The following DTX4 variants were observed in gnomAD, a reference collection of about 807,000 sequenced individuals.
DTX4 encodes the protein E3 ubiquitin-protein ligase DTX4.
DTX4 carries 28 observed loss-of-function variants against 57.6 expected under a neutral mutation model. The ratio of observed to expected loss-of-function variants is 0.49; its 90% CI spans 0.36 to 0.67. DTX4 has a LOEUF of 0.67. DTX4 is among the 30% of genes least tolerant of loss of function. The probability of loss-of-function intolerance (pLI) is 0.00; values close to 1 mark genes in which losing one functional copy is unlikely to be tolerated. For synonymous variants in DTX4, 316 were observed against 331.0 expected (o/e 0.95, Z 0.49); for missense variants, 715 against 836.8 (o/e 0.85, Z 1.80).
chr11:59,174,501 GA>G (rs71036507), intron 1 of DTX4, among the ~76,000 whole-genome samples: 99 of 117,802 alleles, frequency 8.4e-4, no homozygotes, highest in Admixed American at 9.4e-4. Flanking sequence ...TCCAGTCCTG[GA>G]AAAAAAAAAA....
chr11:59,173,690 G>A (rs1293064109), intron 1 of DTX4, among the ~76,000 whole-genome samples: 1 of 152,122 alleles, frequency 6.6e-6, no homozygotes, highest in Non-Finnish European at 1.5e-5. Flanking sequence ...GAATCAAGTT[G>A]TCACTGTAGC....
At chr11:59,204,496 C>G (rs1862778468) in intron 8 of DTX4, among the ~76,000 whole-genome samples, 180 bp from the exon 9 acceptor site, 1 of 152,182 alleles carries the variant, frequency 6.6e-6, no homozygotes, top group South Asian at 2.1e-4. Flanking sequence ...AGTGACAGAG[C>G]CAGGACTCAG....
At chr11:59,202,213 C>T (rs941641483) in intron 8 of DTX4, among the ~76,000 whole-genome samples, 2 of 152,228 alleles carry the variant, frequency 1.3e-5, no homozygotes, top group African/African-American at 4.8e-5. Context: ...TTATCCTTCA[C>T]ATTTGCTGTT....
intron 6 of DTX4, among the ~76,000 whole-genome samples, chr11:59,194,124 G>A (rs766824988): frequency 1.4e-4 from 22 of 152,110 alleles, no homozygotes; most frequent in African/African-American, 2.9e-4. Context: ...TGGAGCCACC[G>A]AGTTGCAATG....
intron 2 of DTX4, 28 bp from the exon 3 acceptor site, chr11:59,188,707 A>G (rs1862558219): frequency 6.3e-7 from 1 of 1,599,710 alleles, no homozygotes; most frequent in Non-Finnish European, 8.6e-7. Flanking sequence ...TGTCAAAATG[A>G]CATTGTATCT....
rs751637703 is a variant in DTX4, at chr11:59,208,284, G to T, written c.*3375G>T. The T allele has an allele frequency of 6.6e-6, 1 of 152,276 alleles. No individual in the cohort carries two copies. Among genetic ancestry groups the T allele is most frequent in the Non-Finnish European group, 1.5e-5 (1 of 68,030 alleles). The allele number at this position is 152,276 out of a possible 1,614,324, so 9.4% of individuals were successfully genotyped here. On this transcript the variant is annotated 3_prime_UTR_variant, in exon 9 of 9. Transcript: ENST00000227451. ...GCAACCACAAGCCCTGCCACTGGGT[G>T]GGGGAAGTCCCTCCCCAACCACTTA...
At chr11:59,186,689 C>G (rs141606871) in intron 2 of DTX4, among the ~76,000 whole-genome samples, 1 of 152,166 alleles carries the variant, frequency 6.6e-6, no homozygotes, top group Non-Finnish European at 1.5e-5. Context: ...AAGTTAACTA[C>G]CTTAGCGAGA....
In DTX4 at chr11:59,208,047, A is replaced by AT. The variant is rs1247183083; in HGVS notation, c.*3138_*3139insT. The AT allele has an allele frequency of 6.6e-6, 1 of 152,514 alleles. No individual in the cohort carries two copies. The highest frequency in any genetic ancestry group is 2.4e-5 in the African/African-American group (1 of 41,374). 9.4% of individuals were successfully genotyped at this position (152,514 alleles called of 1,614,324 possible). A position where few individuals can be genotyped will look rare whatever the true frequency, so the allele number is the denominator to read the frequency against. ...CTGGGAGAGGCAGGTGAATGTCCTA[A>AT]GTGAATTGTTCTGTTTGTAACTGGA... On this transcript the variant is annotated 3_prime_UTR_variant, in exon 9 of 9. Transcript: ENST00000227451.
chr11:59,186,438 G>A (rs935209206), intron 2 of DTX4, among the ~76,000 whole-genome samples: 1 of 152,188 alleles, frequency 6.6e-6, no homozygotes, highest in African/African-American at 2.4e-5. Context: ...GTAGGTGCAG[G>A]TCTGGGTTCT....
chr11:59,195,412 T>G, intron 7 of DTX4, 43 bp downstream of exon 7: 1 of 1,559,496 alleles, frequency 6.4e-7, no homozygotes, highest in Non-Finnish European at 8.7e-7. Flanking sequence ...ACCCCTTGGT[T>G]TTTATTGTTC....
intron 8 of DTX4, among the ~76,000 whole-genome samples, chr11:59,203,566 CCTT>C (rs35238966): frequency 0.26 from 39,913 of 151,944 alleles, 5,562 homozygotes; most frequent in Admixed American, 0.38. Flanking sequence ...GATAACAATG[CCTT>C]CTTCTGGAAT....
intron 1 of DTX4, among the ~76,000 whole-genome samples, chr11:59,176,862 C>G (rs1307099426): frequency 6.6e-6 from 1 of 152,214 alleles, no homozygotes; most frequent in African/African-American, 2.4e-5. Flanking sequence ...CACAGATTAT[C>G]TGGTTTATAA....
chr11:59,189,659 C>A (rs1171424250), intron 4 of DTX4, among the ~76,000 whole-genome samples: 2 of 152,228 alleles, frequency 1.3e-5, no homozygotes, highest in African/African-American at 4.8e-5. Context: ...TTGTTTCTTG[C>A]AAGTTGTGTG....
Position 59,204,542 on chromosome 11 carries a change from C to G in DTX4, c.1627-134C>G, listed in dbSNP as rs957011122. ...CCAAACTCCAAGTCCAAATCTCTTT[C>G]TTTCCCCTGGGCTGCTTAGGGTATC... On this transcript the variant is annotated intron_variant, in intron 8 of 8. Coordinates refer to ENST00000227451, the MANE Select transcript of DTX4 (RefSeq NM_015177.2). 6.2e-6 allele frequency: 5 copies of G among 801,286 alleles called. No homozygotes were observed. In the African/African-American group the frequency reaches 8.6e-5, roughly 14 times the overall value. 49.6% of individuals were successfully genotyped at this position (801,286 alleles called of 1,614,324 possible). A position where few individuals can be genotyped will look rare whatever the true frequency, so the allele number is the denominator to read the frequency against.
intron 8 of DTX4, among the ~76,000 whole-genome samples, chr11:59,201,621 C>T (rs1387689246): frequency 6.6e-6 from 1 of 152,212 alleles, no homozygotes; most frequent in Non-Finnish European, 1.5e-5. Flanking sequence ...TCTCCCCCTA[C>T]AGGTGGCAGG....
chr11:59,171,672 A>T (rs557364898), upstream of DTX4, among the ~76,000 whole-genome samples: 2 of 152,204 alleles, frequency 1.3e-5, no homozygotes, highest in Admixed American at 1.3e-4. Flanking sequence ...CGGACAGCTA[A>T]GGATGCGGGA....
intron 1 of DTX4, among the ~76,000 whole-genome samples, chr11:59,175,190 A>G (rs1248619689): frequency 6.6e-6 from 1 of 152,358 alleles, no homozygotes; most frequent in East Asian, 1.9e-4. Context: ...ATGTTTAATT[A>G]AATTACCCAC....
chr11:59,192,328 G>T (rs1862610670), intron 6 of DTX4, 78 bp downstream of exon 6: 1 of 1,556,390 alleles, frequency 6.4e-7, no homozygotes. Flanking sequence ...GCCCTTTAGG[G>T]CCCTTGCTCA....
chr11:59,181,664 C>T, intron 1 of DTX4, 75 bp from the exon 2 acceptor site: 1 of 1,525,442 alleles, frequency 6.6e-7, no homozygotes. Flanking sequence ...ATGGCAATGG[C>T]ATGACTTGTT....
Sources: gnomAD v4.1 joint callset for allele counts (sites outside exome capture counted in the v4.1 genomes callset) on GRCh38, gnomAD v4.1.1 for gene constraint, MANE v1.5 for transcripts, NCBI Gene and HGNC (gene_info 2026-07-23, HGNC 2026-07-21) for gene names.